Variants in MYH14 observed in about 807,000 individuals in gnomAD.
MYH14 encodes the protein myosin heavy chain 14.
MYH14 carries 123 observed loss-of-function variants against 255.5 expected under a neutral mutation model. The ratio of observed to expected loss-of-function variants is 0.48; its 90% CI spans 0.42 to 0.56. The LOEUF is 0.56. MYH14 is among the 20% of genes least tolerant of loss of function. MYH14 has a pLI of 0.00. For missense variants in MYH14, 2,423 were observed against 2,802.3 expected, an observed-to-expected ratio of 0.86 and a Z score of 3.06; for synonymous variants, 1,095 against 1,161.2, an observed-to-expected ratio of 0.94 and a Z score of 1.16.
At chr19:50,296,590 G>A (rs2036273919) in intron 39 of MYH14, among the ~76,000 whole-genome samples, 1 of 152,204 alleles carries the variant, frequency 6.6e-6, no homozygotes, top group Non-Finnish European at 1.5e-5. Context: ...CTGGGCAACA[G>A]AGTGAGACCC....
chr19:50,232,606 A>AC (rs2033458462), intron 10 of MYH14, among the ~76,000 whole-genome samples: 1 of 151,324 alleles, frequency 6.6e-6, no homozygotes, highest in East Asian at 1.9e-4. Context: ...AAAAAAAAAA[A>AC]AAAAAAAAAA....
intron 39 of MYH14, among the ~76,000 whole-genome samples, chr19:50,300,023 A>G (rs1274428970): frequency 6.6e-6 from 1 of 152,194 alleles, no homozygotes; most frequent in Non-Finnish European, 1.5e-5. Flanking sequence ...GGATTCAACT[A>G]TAGGATCTAG....
At position 50,231,020 on chromosome 19, in the gene MYH14, C is replaced by A. The variant is rs140666931; in HGVS notation, c.973+397C>A. The A allele has an allele frequency of 3.1e-3, 780 of 253,814 alleles. 1 individual carries two copies. The highest frequency in any genetic ancestry group is 4.8e-3 in the Non-Finnish European group (616 of 127,400). The allele number at this position is 253,814 out of a possible 1,614,324, so 15.7% of individuals were successfully genotyped here. A position where few individuals can be genotyped will look rare whatever the true frequency, so the allele number is the denominator to read the frequency against. ...CGCTGGTTTGTGTTGCTTCTCGGCTCGTGCTGCCTCGTGCTCCCCTCTGCT... is the reference window on the plus strand; with the variant it reads ...CGCTGGTTTGTGTTGCTTCTCGGCTAGTGCTGCCTCGTGCTCCCCTCTGCT... On this transcript the variant is annotated intron_variant, in intron 9 of 42. Coordinates refer to ENST00000642316, the MANE Select transcript of MYH14 (RefSeq NM_001145809.2).
intron 21 of MYH14, 106 bp from the exon 22 acceptor site, chr19:50,263,206 C>T (rs932470331): frequency 5.4e-6 from 4 of 744,448 alleles, no homozygotes; most frequent in Non-Finnish European, 8.0e-6. Flanking sequence ...CTCAGAAAAA[C>T]AAACAAACAA....
intron 32 of MYH14, 33 bp from the exon 33 acceptor site, chr19:50,281,561 G>T: frequency 1.3e-6 from 2 of 1,542,550 alleles, no homozygotes; most frequent in South Asian, 1.3e-5. Flanking sequence ...TCATGGCCGT[G>T]ACCACCAACC....
intron 1 of MYH14, among the ~76,000 whole-genome samples, chr19:50,204,110 T>C (rs148288833): frequency 8.5e-5 from 13 of 152,244 alleles, no homozygotes; most frequent in Non-Finnish European, 1.8e-4. Flanking sequence ...AAGGACATAT[T>C]TGAGAACCTA....
At chr19:50,227,239 C>G (rs1437791702) in intron 8 of MYH14, among the ~76,000 whole-genome samples, 1 of 152,010 alleles carries the variant, frequency 6.6e-6, no homozygotes, top group Non-Finnish European at 1.5e-5. Context: ...TCATGGTGAC[C>G]CATGACAGTG....
rs186785809 is a variant in MYH14 at position 50,260,458 on chromosome 19, G to T, written c.2355-188G>T. 2.0e-5 allele frequency among the ~76,000 whole-genome samples: 3 copies of T among 152,210 alleles called. No homozygotes were observed. In the East Asian group the frequency reaches 5.8e-4, roughly 29 times the overall value. On this transcript the variant is annotated intron_variant, in intron 19 of 42. Coordinates refer to ENST00000642316, the MANE Select transcript of MYH14 (RefSeq NM_001145809.2). ...AACAAAACAAAAAACTGAAACAGTC[G>T]ATCATTGTCGATGTTGCTGTCCTTG... is the stretch of plus-strand genomic sequence containing the variant.
chr19:50,283,568 G>T (rs796599409), intron 33 of MYH14, among the ~76,000 whole-genome samples: 5 of 152,098 alleles, frequency 3.3e-5, no homozygotes, highest in African/African-American at 1.2e-4. Flanking sequence ...TGAACATTTG[G>T]GTTTTTTTCC....
rs2035072026 is a variant in MYH14, at chr19:50,266,087, G to A, written c.2695-790G>A. On this transcript the variant is annotated intron_variant, in intron 22 of 42. Transcript: ENST00000642316. This position sits in a 1 kb window ranked among gnomAD's most constrained non-coding sequence, Gnocchi z 4.1. ...GAGAGGAAAAGAATCAAGTAGACTTGTGTAGAACGGAGTAGAATATGATTG... is the reference window on the plus strand; with the variant it reads ...GAGAGGAAAAGAATCAAGTAGACTTATGTAGAACGGAGTAGAATATGATTG... Among the ~76,000 whole-genome samples, 1 of 152,204 alleles carries A rather than the reference G, an allele frequency of 6.6e-6. No individual in the cohort carries two copies. The highest frequency in any genetic ancestry group is 1.5e-5 in the Non-Finnish European group (1 of 68,034).
intron 10 of MYH14, among the ~76,000 whole-genome samples, chr19:50,233,118 G>T (rs2123243256): frequency 6.6e-6 from 1 of 152,126 alleles, no homozygotes; most frequent in Non-Finnish European, 1.5e-5. Flanking sequence ...CTGGTTATTT[G>T]GTGTTAAATG....
intron 39 of MYH14, among the ~76,000 whole-genome samples, chr19:50,295,838 C>T (rs138933059): frequency 6.6e-6 from 1 of 151,998 alleles, no homozygotes; most frequent in East Asian, 1.9e-4. Flanking sequence ...TTAAGCCAGG[C>T]GCAGTGGCTC....
At position 50,292,309 on chromosome 19, in the gene MYH14, C is replaced by G. The variant is rs372062358; in HGVS notation, c.5176C>G (p.Arg1726Gly). The change falls in exon 37 of 43, where the codon CGG (arginine) becomes GGG (glycine). Residue 1726 changes from arginine to glycine, a missense_variant. This residue lies in a region of MYH14 where 1,513 missense variants were observed against 1,674.8 expected (regional missense o/e 0.90). Transcript: ENST00000642316. Reference protein sequence around the residue: ...WREVEETRTSREEIFSQNRES... With the variant: ...WREVEETRTSGEEIFSQNRES... Reference sequence around the variant, plus strand: ...GGAGGTGGAGGAGACACGCACCTCCCGGGAGGAGATCTTCTCCCAGAATCG... The same window carrying G: ...GGAGGTGGAGGAGACACGCACCTCCGGGGAGGAGATCTTCTCCCAGAATCG... The G allele has an allele frequency of 5.6e-6, 9 of 1,598,488 alleles. No individual in the cohort carries two copies. The highest frequency in any genetic ancestry group is 7.7e-6 in the Non-Finnish European group (9 of 1,173,188).
chr19:50,308,977 AT>A, intron 41 of MYH14, 27 bp from the exon 42 acceptor site: 1 of 1,582,846 alleles, frequency 6.3e-7, no homozygotes, highest in Non-Finnish European at 8.6e-7. Context: ...ACCTGGAGAT[AT>A]AACCCAGTCC....
rs1009547469 is a variant in MYH14, at chr19:50,222,679, T to C, written c.563-404T>C. Among the ~76,000 whole-genome samples the C allele has an allele frequency of 3.3e-5, 5 of 152,098 alleles. No homozygotes were observed. In the East Asian group the frequency reaches 9.6e-4, roughly 29 times the overall value. ...AGGTGGTCAGCATGTGATTGTGGAA[T>C]GGCTGTGTTAGGCCCAGGGCAGGCG... On this transcript the variant is annotated intron_variant, in intron 3 of 42. Coordinates refer to ENST00000642316, the MANE Select transcript of MYH14 (RefSeq NM_001145809.2).
At chr19:50,268,557 T>C (rs2035180151) in intron 24 of MYH14, among the ~76,000 whole-genome samples, 190 bp downstream of exon 24, 1 of 152,278 alleles carries the variant, frequency 6.6e-6, no homozygotes, top group Non-Finnish European at 1.5e-5. Flanking sequence ...GCTTCACCTA[T>C]GGATGGATCC....
At position 50,280,808 on chromosome 19, in the gene MYH14, T is replaced by C. The variant is rs1264764997; in HGVS notation, c.4290+425T>C. Among the ~76,000 whole-genome samples, 3 of 152,254 alleles carry C rather than the reference T, an allele frequency of 2.0e-5. No individual in the cohort carries two copies. The highest frequency in any genetic ancestry group is 1.3e-4 in the Admixed American group (2 of 15,284). Reference sequence around the variant, plus strand: ...AAAGTCCATGCCTCTCAGTCAGGCATTGAGGCCCTGCAATCTCTGGTCCTT... The same window carrying C: ...AAAGTCCATGCCTCTCAGTCAGGCACTGAGGCCCTGCAATCTCTGGTCCTT... On this transcript the variant is annotated intron_variant, in intron 32 of 42. Transcript: ENST00000642316. The surrounding 1 kb of genome is among the most constrained non-coding windows in gnomAD (Gnocchi z 4.8).
rs887619644 is a variant in MYH14 at position 50,249,119 on chromosome 19, G to A, written c.1462G>A (p.Ala488Thr). 7 of 1,589,876 alleles carry A rather than the reference G, an allele frequency of 4.4e-6. No homozygotes were observed. The highest frequency in any genetic ancestry group is 1.1e-5 in the South Asian group (1 of 87,306). Residue 488 changes from alanine to threonine, a missense_variant, in exon 13 of 43, where the codon GCG (alanine) becomes ACG (threonine). This residue lies in a region of MYH14 where 672 missense variants were observed against 881.8 expected (regional missense o/e 0.76). Transcript: ENST00000642316. The stretch of plus-strand genomic sequence containing the variant: ...CTCCTTCCTGGGCATCCTGGACATC[G>A]CGGGCTTTGAGATCTTCCAGGTCCA... Reference protein sequence around the residue: ...GASFLGILDIAGFEIFQLNSF... With the variant: ...GASFLGILDITGFEIFQLNSF...
chr19:50,215,411 TGGCCACCCA>T (rs1163211429), intron 2 of MYH14, among the ~76,000 whole-genome samples: 5 of 152,194 alleles, frequency 3.3e-5, no homozygotes, highest in Non-Finnish European at 7.4e-5. Context: ...TGCTCCTGGC[TGGCCACCCA>T]GGCCACCCAC....
Sources: gnomAD v4.1 joint callset for allele counts (sites outside exome capture counted in the v4.1 genomes callset) on GRCh38, gnomAD v4.1.1 for gene constraint, gnomAD v4.1.1 regional missense constraint, Gnocchi (gnomAD v3.1) non-coding constraint, MANE v1.5 for transcripts, NCBI Gene and HGNC (gene_info 2026-07-23, HGNC 2026-07-21) for gene names.